CTNND2: variants seen among roughly 807,000 people sequenced by gnomAD.
CTNND2 encodes catenin delta 2.
A neutral mutation model predicts 144.4 loss-of-function variants in CTNND2; 22 were observed. The ratio of observed to expected loss-of-function variants is 0.15; its 90% CI spans 0.11 to 0.22. The LOEUF (loss-of-function observed/expected upper bound fraction) is 0.22, where lower values mean the gene tolerates loss of function less well. Ranked by LOEUF, CTNND2 falls within the 10% of genes least tolerant of loss-of-function variation. CTNND2 has a pLI of 1.00. For synonymous variants in CTNND2, 751 were observed against 695.6 expected (o/e 1.08, Z -1.25); for missense variants, 1,353 against 1,618.8 (o/e 0.84, Z 2.82).
chr5:11,516,030 T>G (rs1056328621), intron 3 of CTNND2, among the ~76,000 whole-genome samples: 1 of 151,932 alleles, frequency 6.6e-6, no homozygotes, highest in African/African-American at 2.4e-5. Context: ...CTGCTTGAGC[T>G]TGGGAGATTG....
chr5:11,298,585 G>A (rs569813433), intron 9 of CTNND2, among the ~76,000 whole-genome samples: 1 of 152,234 alleles, frequency 6.6e-6, no homozygotes, highest in South Asian at 2.1e-4. Context: ...TAAATCATTG[G>A]ATTTTCTCTC....
chr5:11,230,553 C>A (rs1740889057), intron 10 of CTNND2, among the ~76,000 whole-genome samples: 1 of 152,128 alleles, frequency 6.6e-6, no homozygotes, highest in Non-Finnish European at 1.5e-5. Flanking sequence ...CACTGCCATC[C>A]ATCCACACTA....
intron 2 of CTNND2, among the ~76,000 whole-genome samples, chr5:11,588,177 T>C (rs1361968024): frequency 6.6e-6 from 1 of 152,190 alleles, no homozygotes; most frequent in Non-Finnish European, 1.5e-5. Context: ...AAGAGAAAGC[T>C]ATGCAACAAG....
chr5:11,046,543 G>A (rs560085298), intron 16 of CTNND2, among the ~76,000 whole-genome samples: 3 of 152,210 alleles, frequency 2.0e-5, no homozygotes, highest in Non-Finnish European at 2.9e-5. Context: ...GTTTAGGTAC[G>A]TTTCAGAGCT....
At chr5:11,839,784 T>TAGAGAGAGAGAG (rs113307076) in intron 1 of CTNND2, among the ~76,000 whole-genome samples, 13 of 145,840 alleles carry the variant, frequency 8.9e-5, no homozygotes, top group African/African-American at 3.2e-4. Context: ...TAGACATAGG[T>TAGAGAGAGAGAG]AGAGAGAGAG....
At chr5:11,456,035 C>G (rs1765705369) in intron 3 of CTNND2, among the ~76,000 whole-genome samples, 1 of 152,180 alleles carries the variant, frequency 6.6e-6, no homozygotes, top group Non-Finnish European at 1.5e-5. Flanking sequence ...TTAAAGGCAG[C>G]AGAACTTTTA....
At chr5:11,030,861 A>T (rs1485809095) in intron 16 of CTNND2, among the ~76,000 whole-genome samples, 1 of 151,274 alleles carries the variant, frequency 6.6e-6, no homozygotes, top group Non-Finnish European at 1.5e-5. Flanking sequence ...TTGAAACTGA[A>T]AATTTGAATG....
chr5:11,875,980 CAG>C, intron 1 of CTNND2, among the ~76,000 whole-genome samples: 1 of 152,274 alleles, frequency 6.6e-6, no homozygotes, highest in South Asian at 2.1e-4. Flanking sequence ...AGGAATAAAA[CAG>C]ATGAAATTGT....
chr5:11,318,914 A>G (rs1017116949), intron 9 of CTNND2, among the ~76,000 whole-genome samples: 3 of 144,878 alleles, frequency 2.1e-5, no homozygotes, highest in East Asian at 4.6e-4. Flanking sequence ...ACATATAGAA[A>G]TGTCTATAAT....
At chr5:11,300,113 T>G (rs1225067212) in intron 9 of CTNND2, among the ~76,000 whole-genome samples, 2 of 152,202 alleles carry the variant, frequency 1.3e-5, no homozygotes, top group Non-Finnish European at 2.9e-5. Context: ...ACTTCTAAGT[T>G]GCCCACATCC....
intron 2 of CTNND2, among the ~76,000 whole-genome samples, chr5:11,641,663 CAT>C (rs1561648545): frequency 1.4e-4 from 18 of 127,930 alleles, no homozygotes; most frequent in East Asian, 1.1e-3. Context: ...TGTGTATATA[CAT>C]ATACGTGTGT....
At chr5:11,867,238 G>A (rs547313382) in intron 1 of CTNND2, among the ~76,000 whole-genome samples, 39 of 152,318 alleles carry the variant, frequency 2.6e-4, no homozygotes, top group African/African-American at 9.4e-4. Flanking sequence ...TTTATTGCAT[G>A]TTAATTCTAG....
At chr5:11,544,069 T>C (rs1200804591) in intron 3 of CTNND2, among the ~76,000 whole-genome samples, 2 of 152,148 alleles carry the variant, frequency 1.3e-5, no homozygotes, top group Non-Finnish European at 2.9e-5. Context: ...TGTTGAATTA[T>C]CAGATGCAGA....
chr5:11,469,713 T>C (rs1766988904), intron 3 of CTNND2, among the ~76,000 whole-genome samples: 1 of 152,252 alleles, frequency 6.6e-6, no homozygotes, highest in South Asian at 2.1e-4. Context: ...TTTATTTTTC[T>C]TAGGTAATTT....
At chr5:11,081,221 G>C (rs1048058133) in intron 16 of CTNND2, among the ~76,000 whole-genome samples, 7 of 101,168 alleles carry the variant, frequency 6.9e-5, no homozygotes, top group African/African-American at 2.8e-4. Flanking sequence ...AGTTTCACTT[G>C]AGAAGAACAG....
intron 9 of CTNND2, among the ~76,000 whole-genome samples, chr5:11,336,706 TAC>T (rs1753758775): frequency 6.6e-6 from 1 of 152,234 alleles, no homozygotes; most frequent in Non-Finnish European, 1.5e-5. Context: ...TAGATACATA[TAC>T]ACACATTATT....
At chr5:11,899,219 G>A (rs1737662002) in intron 1 of CTNND2, among the ~76,000 whole-genome samples, 1 of 152,140 alleles carries the variant, frequency 6.6e-6, no homozygotes, top group Non-Finnish European at 1.5e-5. Flanking sequence ...ATGCTCGGTG[G>A]TTCTAAACAG....
At chr5:11,137,355 G>C (rs1433224473) in intron 12 of CTNND2, among the ~76,000 whole-genome samples, 1 of 152,094 alleles carries the variant, frequency 6.6e-6, no homozygotes, top group Non-Finnish European at 1.5e-5. Flanking sequence ...TGCCAGTTTA[G>C]TCAAGAAGCT....
chr5:11,724,652 T>C (rs922920015), intron 2 of CTNND2, among the ~76,000 whole-genome samples: 5 of 152,202 alleles, frequency 3.3e-5, no homozygotes, highest in African/African-American at 9.6e-5. Context: ...ACACCTTTGG[T>C]TGATATCCCA....
Sources: gnomAD v4.1 joint callset for allele counts (sites outside exome capture counted in the v4.1 genomes callset) on GRCh38, gnomAD v4.1.1 for gene constraint, MANE v1.5 for transcripts, NCBI Gene and HGNC (gene_info 2026-07-23, HGNC 2026-07-21) for gene names.